The following SMC1B variants were observed in gnomAD, a reference collection of about 807,000 sequenced individuals.
The protein encoded by SMC1B is structural maintenance of chromosomes 1B, also known as structural maintenance of chromosomes protein 1B.
In SMC1B, 60 loss-of-function variants were observed where a neutral mutation model predicts 157.9. The observed-to-expected ratio is 0.38, with a 90% CI of 0.31 to 0.47. The LOEUF is 0.47. Ranked by LOEUF, SMC1B falls within the 20% of genes least tolerant of loss-of-function variation. The pLI, the probability that SMC1B is intolerant of heterozygous loss-of-function variation, is 0.99. For missense variants in SMC1B, 1,165 were observed against 1,426.2 expected (o/e 0.82, Z 2.95); for synonymous variants, 445 against 483.0 (o/e 0.92, Z 1.03).
At chr22:45,375,422 C>T (rs964627523) in intron 12 of SMC1B, among the ~76,000 whole-genome samples, 1 of 152,174 alleles carries the variant, frequency 6.6e-6, no homozygotes, top group African/African-American at 2.4e-5. Flanking sequence ...CATGGATGTG[C>T]GTCCTCAACC....
chr22:45,349,763 C>T lies in SMC1B; in HGVS notation c.3460G>A (p.Val1154Met). The change falls in exon 23 of 25, where the codon GTG becomes ATG. Residue 1154 changes from valine (V) to methionine (M), a missense_variant. By Grantham distance (21) the Val-to-Met change is conservative. Transcript: ENST00000357450. ...RPAPFFVLDEVDAALDNTNIG... is the reference protein window; with the variant it reads ...RPAPFFVLDEMDAALDNTNIG... Reference sequence around the variant, plus strand: ...TTAGTATTGTCTAGGGCTGCATCCACTTCATCTAAAACAAAGAATGGGGCA... The same window carrying T: ...TTAGTATTGTCTAGGGCTGCATCCATTTCATCTAAAACAAAGAATGGGGCA... 1.2e-6 allele frequency: 2 copies of T among 1,612,592 alleles called. No individual in the cohort carries two copies. The highest frequency in any genetic ancestry group is 1.7e-6 in the Non-Finnish European group (2 of 1,179,692).
chr22:45,400,608 A>G (rs2087180932), intron 5 of SMC1B, among the ~76,000 whole-genome samples: 1 of 152,200 alleles, frequency 6.6e-6, no homozygotes, highest in Non-Finnish European at 1.5e-5. Flanking sequence ...GGTAAAACAT[A>G]ACTCTCCTTA....
In SMC1B at chr22:45,358,784, T is replaced by G. The variant is rs199833095; in HGVS notation, c.2874A>C (p.Glu958Asp). ...CAATTGTTGCCTGGGTACTTTCTGC[T>G]TCAGTTCCCATCTGAAAAATATGTG... ...DDIIEVEMGT[E>D]AESTQATIDI... Residue 958 changes from glutamate to aspartate, a missense_variant, in exon 19 of 25, where the codon GAA (glutamate) becomes GAC (aspartate). Transcript: ENST00000357450. 3,087 of 1,611,506 alleles carry G rather than the reference T, an allele frequency of 1.9e-3. 95 individuals carry two copies. In the South Asian group the frequency reaches 0.032, roughly 17 times the overall value.
chr22:45,409,609 T>TAAATAAATAAATAAA (rs1471181472), intron 1 of SMC1B, among the ~76,000 whole-genome samples: 2 of 84,298 alleles, frequency 2.4e-5, no homozygotes, highest in Non-Finnish European at 4.8e-5. Flanking sequence ...AATAAATAAA[T>TAAATAAATAAATAAA]AAAAACAAGA....
At position 45,394,843 on chromosome 22, in the gene SMC1B, T is replaced by C. The variant is rs887871746; in HGVS notation, c.1255-76A>G. ...AAAATTACATGCCTAGAACTTACTA[T>C]AATATTATAAGCTGTTATAAAATTG... On this transcript the variant is annotated intron_variant, in intron 7 of 24. Coordinates refer to ENST00000357450, the MANE Select transcript of SMC1B (RefSeq NM_148674.5). The C allele has an allele frequency of 8.9e-6, 12 of 1,342,516 alleles. No individual in the cohort carries two copies. In the South Asian group the frequency reaches 1.8e-4, roughly 20 times the overall value. 83.2% of individuals were successfully genotyped at this position (1,342,516 alleles called of 1,614,324 possible).
chr22:45,349,637 G>A lies in SMC1B; in HGVS notation c.3495+91C>T, dbSNP rs1005755527. The A allele has an allele frequency of 3.3e-6, 4 of 1,205,486 alleles. No individual in the cohort carries two copies. In the Admixed American group the frequency reaches 8.1e-5, roughly 24 times the overall value. 74.7% of individuals were successfully genotyped at this position (1,205,486 alleles called of 1,614,324 possible). Reference sequence around the variant, plus strand: ...GCGTGAGCCACCGTGCCTAGACCAAGGACTGATTTTTAATGAGCATTTTCC... The same window carrying A: ...GCGTGAGCCACCGTGCCTAGACCAAAGACTGATTTTTAATGAGCATTTTCC... On this transcript the variant is annotated intron_variant, in intron 23 of 24. Transcript: ENST00000357450.
chr22:45,384,889 C>T (rs907788744), intron 11 of SMC1B, among the ~76,000 whole-genome samples: 2 of 152,092 alleles, frequency 1.3e-5, no homozygotes, highest in African/African-American at 4.8e-5. Flanking sequence ...TGGTACCCTG[C>T]ACTTTATTCA....
At chr22:45,364,493 CTTTA>C (rs1390560390) in intron 15 of SMC1B, among the ~76,000 whole-genome samples, 1 of 152,188 alleles carries the variant, frequency 6.6e-6, no homozygotes, top group African/African-American at 2.4e-5. Flanking sequence ...ATATTATCAT[CTTTA>C]TTTAACAGAT....
intron 17 of SMC1B, 139 bp from the exon 18 acceptor site, chr22:45,360,097 T>G (rs367972523): frequency 3.1e-6 from 2 of 635,494 alleles, no homozygotes; most frequent in African/African-American, 3.7e-5. Context: ...AATCCTCTCA[T>G]TGATGCTTGT....
At chr22:45,394,805 A>G in intron 7 of SMC1B, 38 bp from the exon 8 acceptor site, 5 of 1,466,534 alleles carry the variant, frequency 3.4e-6, no homozygotes, top group Non-Finnish European at 4.5e-6. Flanking sequence ...AATTACGGCA[A>G]TTCCAAACCA....
At chr22:45,408,597 C>T in intron 2 of SMC1B, 113 bp downstream of exon 2, 1 of 658,196 alleles carries the variant, frequency 1.5e-6, no homozygotes, top group Non-Finnish European at 2.5e-6. Context: ...GAAAAAAGAA[C>T]TCTAGTTCAT....
chr22:45,400,035 A>C (rs1282692035), intron 5 of SMC1B, among the ~76,000 whole-genome samples: 1 of 152,218 alleles, frequency 6.6e-6, no homozygotes, highest in Non-Finnish European at 1.5e-5. Flanking sequence ...AGACATCAAT[A>C]TGAACTCATG....
At chr22:45,352,379 A>G in intron 22 of SMC1B, 72 bp downstream of exon 22, 1 of 1,369,144 alleles carries the variant, frequency 7.3e-7, no homozygotes, top group East Asian at 2.3e-5. Flanking sequence ...ACAATAGTTA[A>G]TATATCTTCT....
At chr22:45,345,665 T>A (rs1038666537) in intron 23 of SMC1B, 96 bp from the exon 24 acceptor site, 4 of 720,136 alleles carry the variant, frequency 5.6e-6, no homozygotes, top group Non-Finnish European at 7.4e-6. Context: ...CTGGTCAGTT[T>A]AGGTGACAAG....
At chr22:45,357,625 A>C (rs1046013514) in intron 19 of SMC1B, among the ~76,000 whole-genome samples, 7 of 124,226 alleles carry the variant, frequency 5.6e-5, no homozygotes, top group Admixed American at 1.6e-4. Flanking sequence ...TAACCACAGA[A>C]ACTTTTCTTC....
Position 45,344,436 on chromosome 22 carries a change from G to C in SMC1B, c.*120C>G. 1 of 650,222 alleles carries C rather than the reference G, an allele frequency of 1.5e-6. No homozygotes were observed. Among genetic ancestry groups the C allele is most frequent in the African/African-American group, 1.8e-5 (1 of 55,270 alleles). The allele number at this position is 650,222 out of a possible 1,614,324, so 40.3% of individuals were successfully genotyped here. On this transcript the variant is annotated 3_prime_UTR_variant, in exon 25 of 25. Transcript: ENST00000357450. ...AGCCTCTTTGGCTAGAACGACTAAGGTTTCTCTTAAAGGGTGCACCAGGCT... is the reference window on the plus strand; with the variant it reads ...AGCCTCTTTGGCTAGAACGACTAAGCTTTCTCTTAAAGGGTGCACCAGGCT...
intron 2 of SMC1B, 141 bp from the exon 3 acceptor site, chr22:45,407,006 T>G (rs1169715126): frequency 1.7e-6 from 1 of 591,676 alleles, no homozygotes; most frequent in East Asian, 3.0e-5. Context: ...ATGCATTTAA[T>G]GAGTCAACAA....
In SMC1B at chr22:45,386,885, A is replaced by G. The variant is rs1186479500; in HGVS notation, c.1893T>C (p.Ser631=). Residue 631 remains serine, a synonymous_variant, in exon 11 of 25, where the codon AGT becomes AGC. Coordinates refer to ENST00000357450, the MANE Select transcript of SMC1B (RefSeq NM_148674.5). The part of the protein sequence containing the change: ...TMEEARHIAL[S]GPERQKTVAL... ...TTCTTACTTTCTGTCTTTCAGGTCCACTGAGTGCAATATGCCTTGCTTCTT... is the reference window on the plus strand; with the variant it reads ...TTCTTACTTTCTGTCTTTCAGGTCCGCTGAGTGCAATATGCCTTGCTTCTT... 6.2e-6 allele frequency: 10 copies of G among 1,613,592 alleles called. No homozygotes were observed. The highest frequency in any genetic ancestry group is 8.5e-6 in the Non-Finnish European group (10 of 1,179,790).
At chr22:45,397,271 C>T (rs184027377) in intron 6 of SMC1B, among the ~76,000 whole-genome samples, 93 of 152,264 alleles carry the variant, frequency 6.1e-4, no homozygotes, top group African/African-American at 2.2e-3. Flanking sequence ...AATCCCAGCA[C>T]TTTGGGAAGC....
Sources: gnomAD v4.1 joint callset for allele counts (sites outside exome capture counted in the v4.1 genomes callset) on GRCh38, gnomAD v4.1.1 for gene constraint, MANE v1.5 for transcripts, NCBI Gene and HGNC (gene_info 2026-07-23, HGNC 2026-07-21) for gene names.